The following COL4A2 variants were observed in gnomAD, a reference collection of about 807,000 sequenced individuals.
COL4A2 encodes the protein collagen alpha-2(IV) chain.
In COL4A2, 99 loss-of-function variants were observed where a neutral mutation model predicts 200.2. That is an observed-to-expected ratio of 0.49 (90% CI 0.42 to 0.58). The LOEUF (loss-of-function observed/expected upper bound fraction) is 0.58, where lower values mean the gene tolerates loss of function less well. Ranked by LOEUF, COL4A2 falls within the 20% of genes least tolerant of loss-of-function variation. The pLI is 0.00. For missense variants in COL4A2, 1,950 were observed against 2,314.1 expected, an observed-to-expected ratio of 0.84 and a Z score of 3.23; for synonymous variants, 897 against 900.6, an observed-to-expected ratio of 1.00 and a Z score of 0.07.
intron 4 of COL4A2, among the ~76,000 whole-genome samples, chr13:110,414,639 C>A (rs1879972065): frequency 1.3e-5 from 2 of 152,312 alleles, no homozygotes; most frequent in South Asian, 4.1e-4. Flanking sequence ...CCAAGTCCAA[C>A]ATCTTATGAA....
intron 4 of COL4A2, among the ~76,000 whole-genome samples, chr13:110,408,079 G>A (rs962225801): frequency 6.6e-6 from 1 of 152,208 alleles, no homozygotes; most frequent in Non-Finnish European, 1.5e-5. Context: ...CCCACCTCAT[G>A]AGTTTGGAGG....
chr13:110,509,270 T>TATATATATACACACACACAC (rs1435137108), intron 47 of COL4A2, among the ~76,000 whole-genome samples: 3 of 115,578 alleles, frequency 2.6e-5, no homozygotes, highest in African/African-American at 1.0e-4. Flanking sequence ...TATATATATA[T>TATATATATACACACACACAC]ACACACACAC....
chr13:110,424,001 T>C (rs4486744), intron 4 of COL4A2, among the ~76,000 whole-genome samples: 145,829 of 152,164 alleles, frequency 0.96, 69,922 homozygotes, highest in East Asian at 1. Context: ...ATCACGCTGC[T>C]GTGCGTGTAA....
At chr13:110,475,756 G>A (rs1030746393) in intron 29 of COL4A2, among the ~76,000 whole-genome samples, 6 of 152,220 alleles carry the variant, frequency 3.9e-5, no homozygotes, top group African/African-American at 7.2e-5. Flanking sequence ...ACAAACACAC[G>A]CAGGTGCACC....
intron 4 of COL4A2, among the ~76,000 whole-genome samples, chr13:110,422,890 G>A (rs1224468466): frequency 4.6e-5 from 7 of 152,146 alleles, no homozygotes; most frequent in African/African-American, 1.4e-4. Flanking sequence ...CCTGGGCTGC[G>A]TTTTTAAATT....
intron 4 of COL4A2, among the ~76,000 whole-genome samples, chr13:110,363,232 G>A (rs1304218940): frequency 6.6e-6 from 1 of 152,214 alleles, no homozygotes. Flanking sequence ...CCTGGCAGCT[G>A]CAGCTGAGAG....
At position 110,401,298 on chromosome 13, in the gene COL4A2, A is replaced by G. The variant is rs1470262009; in HGVS notation, c.181-23436A>G. 2.6e-5 allele frequency among the ~76,000 whole-genome samples: 4 copies of G among 152,220 alleles called. No homozygotes were observed. In the East Asian group the frequency reaches 7.7e-4, roughly 29 times the overall value. ...AGCATTGCCTTTGCTCAAGAGAATCAATCCAACTCATTTTAGTACCATCTG... is the reference window on the plus strand; with the variant it reads ...AGCATTGCCTTTGCTCAAGAGAATCGATCCAACTCATTTTAGTACCATCTG... On this transcript the variant is annotated intron_variant, in intron 4 of 47. Coordinates refer to ENST00000360467, the MANE Select transcript of COL4A2 (RefSeq NM_001846.4).
At chr13:110,332,312 G>A (rs529130170) in intron 3 of COL4A2, among the ~76,000 whole-genome samples, 31 of 152,206 alleles carry the variant, frequency 2.0e-4, no homozygotes, top group African/African-American at 4.3e-4. Flanking sequence ...TTAAAACCGC[G>A]GGATCTCCAA....
chr13:110,362,075 G>A (rs1877540746), intron 4 of COL4A2, among the ~76,000 whole-genome samples: 1 of 152,226 alleles, frequency 6.6e-6, no homozygotes, highest in African/African-American at 2.4e-5. Context: ...AGAAGAGTGA[G>A]GCTCTCCGGG....
chr13:110,432,980 G>A (rs770697044), intron 11 of COL4A2, among the ~76,000 whole-genome samples: 11 of 152,226 alleles, frequency 7.2e-5, no homozygotes, highest in Non-Finnish European at 1.0e-4. Context: ...CAAGACAAAC[G>A]AATGCAGTTG....
intron 20 of COL4A2, among the ~76,000 whole-genome samples, chr13:110,455,173 C>T (rs1051596117): frequency 6.6e-6 from 1 of 152,278 alleles, no homozygotes; most frequent in Non-Finnish European, 1.5e-5. Context: ...CATGGCAGAC[C>T]GCGTAGCCTC....
At chr13:110,368,758 C>G (rs1490055939) in intron 4 of COL4A2, among the ~76,000 whole-genome samples, 2 of 148,922 alleles carry the variant, frequency 1.3e-5, no homozygotes, top group Non-Finnish European at 3.0e-5. Flanking sequence ...TGTAATTAAT[C>G]TCTACAAATG....
intron 21 of COL4A2, chr13:110,458,012 T>C (rs1250984560): frequency 2.4e-6 from 1 of 421,512 alleles, no homozygotes; most frequent in African/African-American, 2.0e-5. Context: ...TGAGGCTCTG[T>C]GGGCCCTGGT....
rs149164741 is a variant in COL4A2, at chr13:110,379,607, G to A, written c.180+22055G>A. 6.9e-3 allele frequency among the ~76,000 whole-genome samples: 1,058 copies of A among 152,290 alleles called. 11 individuals carry two copies. Among genetic ancestry groups the A allele is most frequent in the South Asian group, 0.023 (109 of 4,818 alleles). The stretch of plus-strand genomic sequence containing the variant: ...CCCCAAATCCAACTCTGGAGGTGCC[G>A]TGTCAGGCGGGTGCACAGACCATGG... On this transcript the variant is annotated intron_variant, in intron 4 of 47. Coordinates refer to ENST00000360467, the MANE Select transcript of COL4A2 (RefSeq NM_001846.4).
chr13:110,495,313 C>T, intron 39 of COL4A2, 29 bp from the exon 40 acceptor site: 4 of 1,613,928 alleles, frequency 2.5e-6, no homozygotes, highest in South Asian at 2.2e-5. Context: ...GAAACACCGA[C>T]ATCAGCTGCT....
rs752427280 is a variant in COL4A2, at chr13:110,450,365, T to C, written c.1250T>C (p.Ile417Thr). Residue 417 changes from isoleucine to threonine, a missense_variant, in exon 20 of 48, where the codon ATC (isoleucine) becomes ACC (threonine). Physicochemically the swap from Ile to Thr is moderately conservative, Grantham distance 89. Around this residue, in one of 2 missense-constraint regions of COL4A2, gnomAD observed 565 missense variants for 593.5 expected, o/e 0.95. Coordinates refer to ENST00000360467, the MANE Select transcript of COL4A2 (RefSeq NM_001846.4). ...GPKGFIGDPG[I>T]PALYGGPPGP... ...AAGGGCTTCATCGGAGACCCCGGCATCCCTGCGCTCTACGGGGGCCCACCT... is the reference window on the plus strand; with the variant it reads ...AAGGGCTTCATCGGAGACCCCGGCACCCCTGCGCTCTACGGGGGCCCACCT... 1.2e-6 allele frequency: 2 copies of C among 1,613,652 alleles called. No homozygotes were observed. Among genetic ancestry groups the C allele is most frequent in the South Asian group, 2.2e-5 (2 of 91,076 alleles).
At chr13:110,372,779 C>T (rs1004370050) in intron 4 of COL4A2, among the ~76,000 whole-genome samples, 4 of 152,186 alleles carry the variant, frequency 2.6e-5, no homozygotes, top group Non-Finnish European at 5.9e-5. Flanking sequence ...TCATTAGTAG[C>T]TTGTTCCATT....
chr13:110,339,886 A>G (rs1429332025), intron 3 of COL4A2, among the ~76,000 whole-genome samples: 1 of 152,252 alleles, frequency 6.6e-6, no homozygotes, highest in African/African-American at 2.4e-5. Flanking sequence ...ATGGCACTCC[A>G]TGAAGCTGTA....
At chr13:110,382,505 G>A (rs1003349694) in intron 4 of COL4A2, among the ~76,000 whole-genome samples, 2 of 152,122 alleles carry the variant, frequency 1.3e-5, no homozygotes, top group African/African-American at 4.8e-5. Context: ...TAGATACTTT[G>A]TAAATAAAAC....
Sources: gnomAD v4.1 joint callset for allele counts (sites outside exome capture counted in the v4.1 genomes callset) on GRCh38, gnomAD v4.1.1 for gene constraint, gnomAD v4.1.1 regional missense constraint, MANE v1.5 for transcripts, NCBI Gene and HGNC (gene_info 2026-07-23, HGNC 2026-07-21) for gene names.